Variants in ADAMTS17 observed in about 807,000 individuals in gnomAD.
ADAMTS17 encodes A disintegrin and metalloproteinase with thrombospondin motifs 17.
ADAMTS17 carries 113 observed loss-of-function variants against 141.5 expected under a neutral mutation model. That is an observed-to-expected ratio of 0.80 (90% CI 0.69 to 0.93). ADAMTS17 has a LOEUF of 0.93. ADAMTS17 is among the 40% of genes least tolerant of loss of function. ADAMTS17 has a pLI of 0.00. For synonymous variants in ADAMTS17, 768 were observed against 630.6 expected, an observed-to-expected ratio of 1.22 and a Z score of -3.27; for missense variants, 1,659 against 1,517.9, an observed-to-expected ratio of 1.09 and a Z score of -1.54.
intron 3 of ADAMTS17, among the ~76,000 whole-genome samples, chr15:100,292,141 G>GAAAC (rs2044650250): frequency 2.2e-5 from 2 of 92,840 alleles, no homozygotes; most frequent in East Asian, 3.2e-4. Context: ...CCCGTGGGGA[G>GAAAC]TCACGAGACA....
chr15:100,059,615 C>T (rs903669746), intron 15 of ADAMTS17, among the ~76,000 whole-genome samples: 7 of 152,308 alleles, frequency 4.6e-5, no homozygotes, highest in Non-Finnish European at 1.0e-4. Flanking sequence ...TCCTTTGGGA[C>T]GTCAAGATCA....
intron 17 of ADAMTS17, among the ~76,000 whole-genome samples, chr15:100,050,056 A>G (rs2032020553): frequency 6.6e-6 from 1 of 152,158 alleles, no homozygotes; most frequent in African/African-American, 2.4e-5. Context: ...GTCCTGGGCA[A>G]TTTGTCATGT....
At chr15:100,137,061 G>C (rs1344292202) in intron 10 of ADAMTS17, among the ~76,000 whole-genome samples, 1 of 152,212 alleles carries the variant, frequency 6.6e-6, no homozygotes, top group Non-Finnish European at 1.5e-5. Flanking sequence ...AATGGAAAAA[G>C]ATTTTTGAAC....
intron 7 of ADAMTS17, among the ~76,000 whole-genome samples, chr15:100,225,621 G>GGTCTCT (rs2042275987): frequency 6.8e-6 from 1 of 147,312 alleles, no homozygotes; most frequent in African/African-American, 2.5e-5. Context: ...CAGCAGTCAC[G>GGTCTCT]GTCTCTGTGC....
chr15:100,161,017 T>C (rs1490434527), intron 8 of ADAMTS17, among the ~76,000 whole-genome samples: 1 of 152,242 alleles, frequency 6.6e-6, no homozygotes. Flanking sequence ...CGTGTGGCAT[T>C]AAGTATGCCC....
At chr15:100,093,506 T>G (rs923926969) in intron 15 of ADAMTS17, among the ~76,000 whole-genome samples, 2 of 152,158 alleles carry the variant, frequency 1.3e-5, no homozygotes, top group African/African-American at 4.8e-5. Context: ...ATCCACCCAC[T>G]CAGCTGCACT....
At chr15:100,196,503 C>T (rs928478616) in intron 8 of ADAMTS17, among the ~76,000 whole-genome samples, 3 of 152,222 alleles carry the variant, frequency 2.0e-5, no homozygotes, top group Admixed American at 6.5e-5. Context: ...CATTAGGTAA[C>T]GAACAGGAGA....
At chr15:100,276,393 A>G (rs1177286661) in intron 4 of ADAMTS17, among the ~76,000 whole-genome samples, 1 of 38,310 alleles carries the variant, frequency 2.6e-5, no homozygotes, top group Non-Finnish European at 5.0e-5. Flanking sequence ...AGTGGGAGGG[A>G]GTGGGTGCCT....
chr15:100,044,683 G>C (rs901131085), intron 18 of ADAMTS17, among the ~76,000 whole-genome samples: 1 of 152,150 alleles, frequency 6.6e-6, no homozygotes, highest in Non-Finnish European at 1.5e-5. Flanking sequence ...TCTCTTTTGA[G>C]TATGGATCTG....
chr15:100,285,995 A>C (rs1329968176), intron 3 of ADAMTS17, among the ~76,000 whole-genome samples: 1 of 152,154 alleles, frequency 6.6e-6, no homozygotes, highest in Non-Finnish European at 1.5e-5. Context: ...AGCTTCCAGC[A>C]CAGCCTTCAA....
chr15:100,270,025 T>C (rs978770680), intron 4 of ADAMTS17, among the ~76,000 whole-genome samples: 21 of 152,244 alleles, frequency 1.4e-4, no homozygotes, highest in African/African-American at 5.1e-4. Context: ...ATGAGACCAC[T>C]TTGCATGACG....
chr15:100,009,732 C>T (rs190692051), intron 18 of ADAMTS17, among the ~76,000 whole-genome samples: 1 of 152,198 alleles, frequency 6.6e-6, no homozygotes, highest in South Asian at 2.1e-4. Flanking sequence ...CTGGAATGGA[C>T]AGTCTATGTG....
At chr15:100,038,072 T>A (rs2030916853) in intron 18 of ADAMTS17, among the ~76,000 whole-genome samples, 1 of 152,220 alleles carries the variant, frequency 6.6e-6, no homozygotes, top group African/African-American at 2.4e-5. Context: ...TCCAACTGCA[T>A]TCTCTTGCAT....
At chr15:99,987,287 ACACAGTGAG>A (rs1282830978) in intron 20 of ADAMTS17, among the ~76,000 whole-genome samples, 1 of 152,198 alleles carries the variant, frequency 6.6e-6, no homozygotes, top group Non-Finnish European at 1.5e-5. Context: ...CTCTACTGCA[ACACAGTGAG>A]CGGAACACCT....
intron 20 of ADAMTS17, among the ~76,000 whole-genome samples, chr15:99,984,578 C>T (rs1162713347): frequency 6.6e-6 from 1 of 152,204 alleles, no homozygotes; most frequent in Non-Finnish European, 1.5e-5. Flanking sequence ...GGGCATTTCC[C>T]CTGTGCCAGC....
intron 15 of ADAMTS17, among the ~76,000 whole-genome samples, chr15:100,078,643 C>T (rs115880264): frequency 0.032 from 4,814 of 152,252 alleles, 270 homozygotes; most frequent in African/African-American, 0.11. Flanking sequence ...GGTAAATCTT[C>T]ATGACCTTGA....
chr15:100,103,892 A>G (rs1596442819), intron 14 of ADAMTS17, among the ~76,000 whole-genome samples: 1 of 152,152 alleles, frequency 6.6e-6, no homozygotes, highest in African/African-American at 2.4e-5. Context: ...TCAATATGCA[A>G]TCAAAGGCTT....
At chr15:100,234,034 T>C (rs899524573) in intron 7 of ADAMTS17, among the ~76,000 whole-genome samples, 1 of 152,030 alleles carries the variant, frequency 6.6e-6, no homozygotes, top group African/African-American at 2.4e-5. Flanking sequence ...CCTCTGCCTG[T>C]CATGTAAGAA....
At chr15:100,133,996 C>A (rs1180086318) in intron 10 of ADAMTS17, among the ~76,000 whole-genome samples, 1 of 152,254 alleles carries the variant, frequency 6.6e-6, no homozygotes, top group Non-Finnish European at 1.5e-5. Context: ...TTTAAACACA[C>A]AGACTCCCAA....
Sources: gnomAD v4.1 joint callset for allele counts (sites outside exome capture counted in the v4.1 genomes callset) on GRCh38, gnomAD v4.1.1 for gene constraint, MANE v1.5 for transcripts, NCBI Gene and HGNC (gene_info 2026-07-23, HGNC 2026-07-21) for gene names.